Variants in PCDH9 observed in about 807,000 individuals in gnomAD.
PCDH9 encodes the protein protocadherin-9.
A neutral mutation model predicts 70.6 loss-of-function variants in PCDH9; 24 were observed. The observed-to-expected ratio is 0.34, with a 90% CI of 0.25 to 0.48. The LOEUF is 0.48. Among genes scored for constraint, PCDH9 ranks in the 20% least tolerant of loss-of-function variants. The pLI is 0.99. For missense variants in PCDH9, 1,281 were observed against 1,503.6 expected (o/e 0.85, Z 2.45); for synonymous variants, 562 against 558.5 (o/e 1.01, Z -0.09).
chr13:66,462,044 TG>T (rs998510099), intron 4 of PCDH9, among the ~76,000 whole-genome samples: 15 of 151,882 alleles, frequency 9.9e-5, no homozygotes, highest in African/African-American at 3.6e-4. Flanking sequence ...AAGAGCCAAT[TG>T]TTTAATAACT....
At chr13:66,931,065 T>C (rs2082800441) in intron 2 of PCDH9, among the ~76,000 whole-genome samples, 1 of 152,158 alleles carries the variant, frequency 6.6e-6, no homozygotes, top group Non-Finnish European at 1.5e-5. Flanking sequence ...ATCTTTTCTG[T>C]CCACATCAGC....
chr13:66,752,006 T>C (rs1383344780), intron 3 of PCDH9, among the ~76,000 whole-genome samples: 1 of 152,156 alleles, frequency 6.6e-6, no homozygotes, highest in Admixed American at 6.5e-5. Flanking sequence ...TAATTTACTA[T>C]GATTAAGGAG....
At chr13:66,411,460 T>G (rs546373561) in intron 4 of PCDH9, among the ~76,000 whole-genome samples, 38 of 152,196 alleles carry the variant, frequency 2.5e-4, no homozygotes, top group Middle Eastern at 3.4e-3. Flanking sequence ...CTAATTAATT[T>G]TTTTTCTTTT....
chr13:66,736,992 G>GA (rs995163683), intron 3 of PCDH9, among the ~76,000 whole-genome samples: 8 of 151,912 alleles, frequency 5.3e-5, no homozygotes, highest in African/African-American at 1.7e-4. Flanking sequence ...TTCCTGAGGG[G>GA]AAAAAAACAG....
chr13:66,964,659 A>C (rs947946772), intron 2 of PCDH9, among the ~76,000 whole-genome samples: 1 of 152,104 alleles, frequency 6.6e-6, no homozygotes, highest in African/African-American at 2.4e-5. Flanking sequence ...TTTTTAATTA[A>C]GGAATTTTTT....
At chr13:66,584,059 T>G (rs1009385569) in intron 4 of PCDH9, among the ~76,000 whole-genome samples, 1 of 151,846 alleles carries the variant, frequency 6.6e-6, no homozygotes, top group African/African-American at 2.4e-5. Flanking sequence ...GCAGACACTT[T>G]GATTGTTTGA....
intron 4 of PCDH9, among the ~76,000 whole-genome samples, chr13:66,459,252 A>T (rs59634963): frequency 0.017 from 2,578 of 152,028 alleles, 43 homozygotes; most frequent in East Asian, 0.039. Context: ...ATGTATACTC[A>T]TAGGTTCTGC....
At position 66,764,014 on chromosome 13, in the gene PCDH9, G is replaced by A. The variant is rs3926797; in HGVS notation, c.3139-132603C>T. On this transcript the variant is annotated intron_variant, in intron 3 of 4. Transcript: ENST00000377865. ...GGGTTTTGTCATGTTGGCCAGGCTC[G>A]TTTGAAACTCCTGATCTTGGGTGAT... is the stretch of plus-strand genomic sequence containing the variant. 7.2e-3 allele frequency among the ~76,000 whole-genome samples: 1,092 copies of A among 151,696 alleles called. 25 individuals carry two copies. The highest frequency in any genetic ancestry group is 0.025 in the African/African-American group (1,037 of 41,272).
intron 2 of PCDH9, among the ~76,000 whole-genome samples, chr13:67,101,757 T>TAAG (rs10650325): frequency 1 from 151,769 of 152,296 alleles, 75,625 homozygotes; most frequent in Middle Eastern, 1. Flanking sequence ...TATCTTCAAT[T>TAAG]AAACCAATTC....
At chr13:66,899,462 T>C (rs1230518819) in intron 3 of PCDH9, among the ~76,000 whole-genome samples, 1 of 151,998 alleles carries the variant, frequency 6.6e-6, no homozygotes, top group Non-Finnish European at 1.5e-5. Context: ...AAGTCCTATC[T>C]CAAAAATTCA....
rs574463289 is a variant in PCDH9 at position 66,854,127 on chromosome 13, T to C, written c.3138+49377A>G. Among the ~76,000 whole-genome samples the C allele has an allele frequency of 9.2e-5, 14 of 152,284 alleles. 1 individual carries two copies. The East Asian group carries it at 1.9e-3, about 21-fold the overall frequency. On this transcript the variant is annotated intron_variant, in intron 3 of 4. Coordinates refer to ENST00000377865, the MANE Select transcript of PCDH9 (RefSeq NM_203487.3). ...TGTGAATAATTGAGTATTGTACTGC[T>C]TATAATGAGAAGTATAGCATAGTGG...
At chr13:66,690,333 GA>G (rs2078465073) in intron 3 of PCDH9, among the ~76,000 whole-genome samples, 1 of 152,142 alleles carries the variant, frequency 6.6e-6, no homozygotes, top group African/African-American at 2.4e-5. Flanking sequence ...TTTAAAGTTA[GA>G]AAAAAACTTC....
chr13:66,937,185 A>C (rs985155102), intron 2 of PCDH9, among the ~76,000 whole-genome samples: 1 of 152,160 alleles, frequency 6.6e-6, no homozygotes, highest in African/African-American at 2.4e-5. Flanking sequence ...TGGATTTTAC[A>C]TGCATTATCC....
intron 3 of PCDH9, among the ~76,000 whole-genome samples, chr13:66,823,645 A>G (rs866164712): frequency 7.6e-4 from 115 of 152,188 alleles, no homozygotes; most frequent in African/African-American, 2.6e-3. Flanking sequence ...TGGGTTTTTC[A>G]GGAAAATTTA....
chr13:66,342,414 G>A (rs1439699702), intron 4 of PCDH9, among the ~76,000 whole-genome samples: 2 of 152,092 alleles, frequency 1.3e-5, no homozygotes, highest in Non-Finnish European at 2.9e-5. Flanking sequence ...ATAATTTATG[G>A]TTATAAACCG....
At chr13:66,731,798 A>G (rs902276589) in intron 3 of PCDH9, among the ~76,000 whole-genome samples, 1 of 151,990 alleles carries the variant, frequency 6.6e-6, no homozygotes, top group Non-Finnish European at 1.5e-5. Flanking sequence ...TTATCAACAA[A>G]TTTCCCTTCC....
At chr13:67,030,158 G>A (rs1353284859) in intron 2 of PCDH9, among the ~76,000 whole-genome samples, 3 of 152,044 alleles carry the variant, frequency 2.0e-5, no homozygotes. Context: ...TCAGTTCACT[G>A]CAACCACCAC....
intron 4 of PCDH9, among the ~76,000 whole-genome samples, chr13:66,621,592 G>A (rs1040379835): frequency 2.0e-5 from 3 of 152,184 alleles, no homozygotes; most frequent in Non-Finnish European, 2.9e-5. Flanking sequence ...TGTGGCTTCA[G>A]GCAAAGCACT....
rs931529786 is a variant in PCDH9 at position 66,303,612 on chromosome 13, G to T, written c.*1043C>A. ...CCAATTGAAACTATTTTTGAATAGT[G>T]ATTTTTCTTCCATATATGCTAATTT... On this transcript the variant is annotated 3_prime_UTR_variant, in exon 5 of 5. Transcript: ENST00000377865. 3.9e-5 allele frequency: 6 copies of T among 152,374 alleles called. No homozygotes were observed. The Admixed American group carries it at 3.9e-4, about 10-fold the overall frequency. The allele number at this position is 152,374 out of a possible 1,614,324, so 9.4% of individuals were successfully genotyped here.
Sources: allele counts gnomAD v4.1 joint callset (sites outside exome capture counted in the v4.1 genomes callset), GRCh38; gene constraint gnomAD v4.1.1; transcripts MANE v1.5; gene names NCBI Gene and HGNC (gene_info 2026-07-23, HGNC 2026-07-21).